The following MAP3K9 variants were observed in gnomAD, a reference collection of about 807,000 sequenced individuals.
MAP3K9 encodes the protein mitogen-activated protein kinase kinase kinase 9.
Under a neutral mutation model 95.8 loss-of-function variants are expected in MAP3K9, and 46 were observed. The observed-to-expected ratio is 0.48, with a 90% CI of 0.38 to 0.61. MAP3K9 has a LOEUF of 0.61. MAP3K9 is among the 20% of genes least tolerant of loss of function. The probability of loss-of-function intolerance (pLI) is 0.00; values close to 1 mark genes in which losing one functional copy is unlikely to be tolerated. For synonymous variants in MAP3K9, 533 were observed against 593.8 expected (o/e 0.90, Z 1.49); for missense variants, 1,296 against 1,474.3 (o/e 0.88, Z 1.98).
chr14:70,740,753 C>G (rs1392005454), intron 6 of MAP3K9, among the ~76,000 whole-genome samples: 1 of 152,214 alleles, frequency 6.6e-6, no homozygotes, highest in Non-Finnish European at 1.5e-5. Flanking sequence ...TTTCAGTCTC[C>G]TCATCTATCA....
chr14:70,788,578 G>A lies in MAP3K9; in HGVS notation c.820+12089C>T, dbSNP rs567378099. Among the ~76,000 whole-genome samples the A allele has an allele frequency of 2.6e-5, 4 of 152,274 alleles. 1 individual carries two copies. Among genetic ancestry groups the A allele is most frequent in the South Asian group, 2.1e-4 (1 of 4,826 alleles). On this transcript the variant is annotated intron_variant, in intron 2 of 11. Transcript: ENST00000554752. ...ATCCAGTTTCACCCACAGTTCACAT[G>A]GGCTCATCCCCAAAAGAAGAGAGGG...
Position 70,809,402 on chromosome 14 carries a change from TC to T in MAP3K9, c.-232del. ...CAGCCTAGGGGCGCAGCGGGCCGAGTCCCCGCCTGCCCGCTCGCCCCCCCGG... is the reference window on the plus strand; with the variant it reads ...CAGCCTAGGGGCGCAGCGGGCCGAGTCCCGCCTGCCCGCTCGCCCCCCCGG... On this transcript the variant is annotated 5_prime_UTR_variant, in exon 1 of 12. Transcript: ENST00000554752. 2.5e-6 allele frequency: 1 copy of T among 403,298 alleles called. No homozygotes were observed. The highest frequency in any genetic ancestry group is 4.1e-6 in the Non-Finnish European group (1 of 245,158). The allele number at this position is 403,298 out of a possible 1,614,324, so 25.0% of individuals were successfully genotyped here.
chr14:70,762,278 A>G (rs2054386748), intron 2 of MAP3K9, among the ~76,000 whole-genome samples: 1 of 152,186 alleles, frequency 6.6e-6, no homozygotes, highest in Non-Finnish European at 1.5e-5. Context: ...GCTGGATCGC[A>G]TGGTAATTCG....
rs1190073028 is a variant in MAP3K9 at position 70,809,019 on chromosome 14, G to A, written c.153C>T (p.Asp51=). ...AAVGPGELGC[D]APLPYWTAVF... is the part of the protein sequence containing the mutation. ...CGGCCGTCCAGTAGGGCAGCGGCGC[G>A]TCGCAGCCCAGCTCCCCGGGGCCCA... The change falls in exon 1 of 12, where the codon GAC becomes GAT. Residue 51 remains aspartate (D), a synonymous_variant. Coordinates refer to ENST00000554752, the MANE Select transcript of MAP3K9 (RefSeq NM_001284230.2). 4.6e-6 allele frequency: 7 copies of A among 1,510,310 alleles called. No individual in the cohort carries two copies. In the Admixed American group the frequency reaches 8.1e-5, roughly 17 times the overall value. The allele number at this position is 1,510,310 out of a possible 1,614,324, so 93.6% of individuals were successfully genotyped here.
chr14:70,769,957 T>A (rs1005661409), intron 2 of MAP3K9, among the ~76,000 whole-genome samples: 1 of 152,164 alleles, frequency 6.6e-6, no homozygotes, highest in Non-Finnish European at 1.5e-5. Flanking sequence ...CACAACACCA[T>A]GGAGGAGTAA....
At chr14:70,807,229 C>T (rs960915687) in intron 1 of MAP3K9, among the ~76,000 whole-genome samples, 2 of 152,194 alleles carry the variant, frequency 1.3e-5, no homozygotes, top group Non-Finnish European at 2.9e-5. Flanking sequence ...CGGTGGCTCA[C>T]GCCTGTAATC....
intron 3 of MAP3K9, among the ~76,000 whole-genome samples, chr14:70,752,676 A>C (rs1212841141): frequency 1.3e-5 from 2 of 152,180 alleles, no homozygotes; most frequent in Admixed American, 6.5e-5. Flanking sequence ...AAGGTCCCAC[A>C]GAACCCCTTT....
chr14:70,765,671 C>T (rs1441337203), intron 2 of MAP3K9, among the ~76,000 whole-genome samples: 2 of 149,500 alleles, frequency 1.3e-5, no homozygotes, highest in East Asian at 2.0e-4. Flanking sequence ...TCCAATCTTT[C>T]GGCTTCCCTG....
chr14:70,787,937 C>A (rs2054765756), intron 2 of MAP3K9, among the ~76,000 whole-genome samples: 1 of 152,046 alleles, frequency 6.6e-6, no homozygotes, highest in South Asian at 2.1e-4. Context: ...ATGGGGGGAG[C>A]AAGGGAAGAC....
chr14:70,753,728 T>C (rs913227669), intron 3 of MAP3K9, among the ~76,000 whole-genome samples: 1 of 152,180 alleles, frequency 6.6e-6, no homozygotes, highest in Admixed American at 6.5e-5. Flanking sequence ...AAGTCCTCAC[T>C]GCCTAACCCA....
intron 8 of MAP3K9, among the ~76,000 whole-genome samples, chr14:70,736,756 C>T (rs1255142923): frequency 6.6e-6 from 1 of 152,222 alleles, no homozygotes; most frequent in Non-Finnish European, 1.5e-5. Context: ...CTTGCTCCTA[C>T]AAAACTTAGT....
At chr14:70,739,542 G>C (rs1266485992) in intron 7 of MAP3K9, among the ~76,000 whole-genome samples, 4 of 151,720 alleles carry the variant, frequency 2.6e-5, no homozygotes, top group Non-Finnish European at 5.9e-5. Context: ...ATGTATGTGT[G>C]AGTATTTTTT....
chr14:70,726,813 C>T lies in MAP3K9; in HGVS notation c.*3567G>A, dbSNP rs2053826370. 6.6e-6 allele frequency: 1 copy of T among 152,272 alleles called. No individual in the cohort carries two copies. The highest frequency in any genetic ancestry group is 2.4e-5 in the African/African-American group (1 of 41,470). The allele number at this position is 152,272 out of a possible 1,614,324, so 9.4% of individuals were successfully genotyped here. ...ATCCTGTATAGATGAAAGAAGCTTCCTCTAGGAGCTGGCAAGGAGCTATGG... is the reference window on the plus strand; with the variant it reads ...ATCCTGTATAGATGAAAGAAGCTTCTTCTAGGAGCTGGCAAGGAGCTATGG... On this transcript the variant is annotated 3_prime_UTR_variant, in exon 12 of 12. Coordinates refer to ENST00000554752, the MANE Select transcript of MAP3K9 (RefSeq NM_001284230.2).
chr14:70,788,335 T>A (rs1594806753), intron 2 of MAP3K9, among the ~76,000 whole-genome samples: 2 of 152,352 alleles, frequency 1.3e-5, no homozygotes, highest in East Asian at 3.9e-4. Context: ...GATGGAATTA[T>A]AATTAAAATG....
chr14:70,758,505 T>TA (rs2054327191), intron 3 of MAP3K9, among the ~76,000 whole-genome samples: 1 of 152,178 alleles, frequency 6.6e-6, no homozygotes, highest in South Asian at 2.1e-4. Flanking sequence ...CTCAAAAAGT[T>TA]AAACATAGAA....
At chr14:70,788,442 C>T (rs890409502) in intron 2 of MAP3K9, among the ~76,000 whole-genome samples, 1 of 152,184 alleles carries the variant, frequency 6.6e-6, no homozygotes, top group Admixed American at 6.5e-5. Context: ...AAGATGAGAT[C>T]GGTGGTATTA....
intron 3 of MAP3K9, among the ~76,000 whole-genome samples, chr14:70,760,294 T>C (rs2054355465): frequency 6.6e-6 from 1 of 152,114 alleles, no homozygotes; most frequent in Admixed American, 6.6e-5. Context: ...CATGACAACA[T>C]ATACTAGGTA....
At chr14:70,774,215 C>G (rs1333185300) in intron 2 of MAP3K9, among the ~76,000 whole-genome samples, 1 of 152,134 alleles carries the variant, frequency 6.6e-6, no homozygotes, top group African/African-American at 2.4e-5. Context: ...GTTCAAATAC[C>G]GTGTAAATTA....
At chr14:70,745,055 A>C (rs2054126833) in intron 5 of MAP3K9, among the ~76,000 whole-genome samples, 1 of 152,096 alleles carries the variant, frequency 6.6e-6, no homozygotes, top group South Asian at 2.1e-4. Flanking sequence ...ATGCCTACAA[A>C]ATTTTTAAAT....
Sources: gnomAD v4.1 joint callset for allele counts (sites outside exome capture counted in the v4.1 genomes callset) on GRCh38, gnomAD v4.1.1 for gene constraint, MANE v1.5 for transcripts, NCBI Gene and HGNC (gene_info 2026-07-23, HGNC 2026-07-21) for gene names.